The following TMEM132C variants were observed in gnomAD, a reference collection of about 807,000 sequenced individuals.
TMEM132C encodes the protein protein phosphatase 1, regulatory subunit 152.
A neutral mutation model predicts 61.4 loss-of-function variants in TMEM132C; 29 were observed. The ratio of observed to expected loss-of-function variants is 0.47; its 90% CI spans 0.35 to 0.64. TMEM132C has a LOEUF of 0.64. Ranked by LOEUF, TMEM132C falls within the 30% of genes least tolerant of loss-of-function variation. TMEM132C has a pLI of 0.00. For synonymous variants in TMEM132C, 656 were observed against 633.1 expected (o/e 1.04, Z -0.54); for missense variants, 1,408 against 1,476.9 (o/e 0.95, Z 0.76).
chr12:128,632,707 A>G (rs967332906), intron 4 of TMEM132C, among the ~76,000 whole-genome samples: 5 of 152,242 alleles, frequency 3.3e-5, no homozygotes, highest in African/African-American at 7.2e-5. Context: ...TGCAGAATCA[A>G]TAAGGTCACT....
At chr12:128,403,318 T>C (rs1349441074) in intron 1 of TMEM132C, among the ~76,000 whole-genome samples, 1 of 152,186 alleles carries the variant, frequency 6.6e-6, no homozygotes, top group Non-Finnish European at 1.5e-5. Flanking sequence ...TTGAGGCATA[T>C]GGAGAAAGGC....
chr12:128,645,721 C>G (rs1328344037), intron 4 of TMEM132C, among the ~76,000 whole-genome samples: 1 of 152,254 alleles, frequency 6.6e-6, no homozygotes, highest in Non-Finnish European at 1.5e-5. Context: ...CTCAGTCCAT[C>G]AGCGTTGGAT....
At chr12:128,390,488 C>T (rs1006898736) in intron 1 of TMEM132C, among the ~76,000 whole-genome samples, 5 of 152,190 alleles carry the variant, frequency 3.3e-5, no homozygotes, top group Non-Finnish European at 2.9e-5. Flanking sequence ...CCTCCTCCAC[C>T]TCTAAGAACC....
At chr12:128,340,911 TC>T (rs1565906170) in intron 1 of TMEM132C, among the ~76,000 whole-genome samples, 2,638 of 116,574 alleles carry the variant, frequency 0.023, 78 homozygotes, top group African/African-American at 0.082. Context: ...TCTTTCTCTC[TC>T]TCTTTCTCTC....
intron 4 of TMEM132C, among the ~76,000 whole-genome samples, chr12:128,621,986 G>C (rs573893841): frequency 6.6e-6 from 1 of 152,230 alleles, no homozygotes; most frequent in East Asian, 1.9e-4. Context: ...ATACCTGAGA[G>C]CTAAATGCTG....
At chr12:128,669,931 C>A (rs1183926128) in intron 5 of TMEM132C, among the ~76,000 whole-genome samples, 4 of 152,164 alleles carry the variant, frequency 2.6e-5, no homozygotes, top group Non-Finnish European at 5.9e-5. Flanking sequence ...TTTTAAATGG[C>A]AGAATCCACA....
At chr12:128,482,414 G>A (rs1414908327) in intron 2 of TMEM132C, among the ~76,000 whole-genome samples, 1 of 152,150 alleles carries the variant, frequency 6.6e-6, no homozygotes, top group African/African-American at 2.4e-5. Context: ...ATGTTCATCA[G>A]GGATATTGAC....
intron 8 of TMEM132C, among the ~76,000 whole-genome samples, chr12:128,699,969 G>A (rs79927099): frequency 0.015 from 2,283 of 152,278 alleles, 23 homozygotes; most frequent in South Asian, 0.055. Flanking sequence ...TTTACAAAGA[G>A]CAGAGTAATA....
chr12:128,301,371 T>C (rs745533137), intron 1 of TMEM132C, among the ~76,000 whole-genome samples: 3 of 152,202 alleles, frequency 2.0e-5, no homozygotes, highest in Non-Finnish European at 4.4e-5. Context: ...TTAAAATAAG[T>C]TTTTCTATTT....
At chr12:128,423,690 C>T (rs541967262) in intron 2 of TMEM132C, among the ~76,000 whole-genome samples, 3 of 151,822 alleles carry the variant, frequency 2.0e-5, no homozygotes, top group East Asian at 1.9e-4. Context: ...GGCAACATAG[C>T]GAGACCCTGT....
chr12:128,331,593 G>T (rs1872667604), intron 1 of TMEM132C, among the ~76,000 whole-genome samples: 1 of 152,168 alleles, frequency 6.6e-6, no homozygotes, highest in Non-Finnish European at 1.5e-5. Flanking sequence ...CATAAAGCAT[G>T]ATTTCATTCT....
intron 3 of TMEM132C, among the ~76,000 whole-genome samples, chr12:128,598,645 C>T (rs1308060639): frequency 6.6e-6 from 1 of 152,080 alleles, no homozygotes; most frequent in Non-Finnish European, 1.5e-5. Context: ...CTAAAATACC[C>T]CTGCCTGTTC....
At chr12:128,337,911 CACGT>C (rs559647308) in intron 1 of TMEM132C, among the ~76,000 whole-genome samples, 213 of 152,246 alleles carry the variant, frequency 1.4e-3, no homozygotes, top group African/African-American at 4.5e-3. Flanking sequence ...AGTTCACAAA[CACGT>C]GAGACTCTTG....
Position 128,399,182 on chromosome 12 carries a change from C to T in TMEM132C, c.86-15550C>T, listed in dbSNP as rs541356530. Among the ~76,000 whole-genome samples the T allele has an allele frequency of 1.6e-4, 25 of 152,270 alleles. No homozygotes were observed. The South Asian group carries it at 4.6e-3, about 28-fold the overall frequency. On this transcript the variant is annotated intron_variant, in intron 1 of 8. Transcript: ENST00000435159. ...ACATGTGGGGGAAAAATGCGGAAGA[C>T]TCTTTGGTACACACAAGTTTTTAAA...
At chr12:128,495,310 C>G (rs947431851) in intron 2 of TMEM132C, among the ~76,000 whole-genome samples, 1 of 152,008 alleles carries the variant, frequency 6.6e-6, no homozygotes, top group African/African-American at 2.4e-5. Context: ...AACGTATATT[C>G]TGTTGATTTG....
chr12:128,380,692 T>G (rs1173208524), intron 1 of TMEM132C, among the ~76,000 whole-genome samples: 1 of 152,150 alleles, frequency 6.6e-6, no homozygotes, highest in Non-Finnish European at 1.5e-5. Flanking sequence ...AGAGGATGGC[T>G]TTGAGTCTAG....
chr12:128,406,571 G>A (rs775483128), intron 1 of TMEM132C, among the ~76,000 whole-genome samples: 7 of 152,182 alleles, frequency 4.6e-5, no homozygotes, highest in Non-Finnish European at 7.3e-5. Flanking sequence ...GAGGTGAGGT[G>A]GATCTGGGAA....
At chr12:128,467,632 C>A (rs1374214959) in intron 2 of TMEM132C, among the ~76,000 whole-genome samples, 1 of 152,082 alleles carries the variant, frequency 6.6e-6, no homozygotes, top group Non-Finnish European at 1.5e-5. Flanking sequence ...GATTTTGGAT[C>A]TTAACACAGC....
chr12:128,583,887 T>C (rs1875441822), intron 3 of TMEM132C, among the ~76,000 whole-genome samples: 1 of 152,010 alleles, frequency 6.6e-6, no homozygotes, highest in Non-Finnish European at 1.5e-5. Flanking sequence ...GAATGAGGAG[T>C]CTTCCCCAGG....
Sources: allele counts gnomAD v4.1 joint callset (sites outside exome capture counted in the v4.1 genomes callset), GRCh38; gene constraint gnomAD v4.1.1; transcripts MANE v1.5; gene names NCBI Gene and HGNC (gene_info 2026-07-23, HGNC 2026-07-21).